Variants in F10 observed in about 807,000 individuals in gnomAD.
The protein encoded by F10 is coagulation factor X, also known as Stuart-Prower factor.
Under a neutral mutation model 37.1 loss-of-function variants are expected in F10, and 29 were observed. The observed-to-expected ratio is 0.78, with a 90% CI of 0.58 to 1.07. F10 has a LOEUF of 1.07. Among genes scored for constraint, F10 ranks in the 50% least tolerant of loss-of-function variants. F10 has a pLI of 0.00. For missense variants in F10, 539 were observed against 667.9 expected (o/e 0.81, Z 2.13); for synonymous variants, 262 against 268.6 (o/e 0.98, Z 0.24).
intron 2 of F10, chr13:113,131,087 A>G (rs1239621813): frequency 6.6e-6 from 1 of 152,202 alleles, no homozygotes; most frequent in Non-Finnish European, 1.5e-5. Context: ...CACCACATAT[A>G]TGACAAGGTT....
intron 2 of F10, among the ~76,000 whole-genome samples, chr13:113,132,682 G>A (rs1390865374): frequency 6.6e-6 from 1 of 152,210 alleles, no homozygotes; most frequent in Admixed American, 6.5e-5. Flanking sequence ...ACTACAATTA[G>A]ATGTATGATA....
chr13:113,145,278 A>G (rs9604029), intron 6 of F10, among the ~76,000 whole-genome samples: 4,732 of 152,288 alleles, frequency 0.031, 235 homozygotes, highest in African/African-American at 0.11. Flanking sequence ...CACCCTCCTC[A>G]GCCACCCAAA....
intron 2 of F10, among the ~76,000 whole-genome samples, chr13:113,134,331 G>A (rs1435857547): frequency 2.0e-5 from 3 of 152,142 alleles, no homozygotes; most frequent in Non-Finnish European, 4.4e-5. Flanking sequence ...CCCGAGACTG[G>A]GTAATTTATA....
In F10 at chr13:113,144,051, A is replaced by C; in HGVS notation, c.703A>C (p.Ile235Leu). The change falls in exon 6 of 8, where the codon ATC becomes CTC. Residue 235 changes from isoleucine (I) to leucine (L), a missense_variant. By Grantham distance (5) the Ile-to-Leu change is conservative. Around this residue, in one of 2 missense-constraint regions of F10, gnomAD observed 409 missense variants for 547.9 expected, o/e 0.75. Coordinates refer to ENST00000375559, the MANE Select transcript of F10 (RefSeq NM_000504.4). This position sits in a 1 kb window ranked among gnomAD's most constrained non-coding sequence, Gnocchi z 6.4. ...GAGGGGCGACAACAACCTCACCAGG[A>C]TCGTGGGAGGCCAGGAATGCAAGGA... ...PERGDNNLTR[I>L]VGGQECKDGE... The C allele has an allele frequency of 6.2e-7, 1 of 1,613,892 alleles. No homozygotes were observed.
chr13:113,142,664 G>A lies in F10; in HGVS notation c.503-1187G>A, dbSNP rs748460147. Among the ~76,000 whole-genome samples, 16 of 148,110 alleles carry A rather than the reference G, an allele frequency of 1.1e-4. 2 individuals carry two copies. The highest frequency in any genetic ancestry group is 2.1e-4 in the Non-Finnish European group (14 of 66,062). ...GTTCAGGCTGGGCAAGGTGGCTCAC[G>A]CCTGTAATCCCAGCACTTTGGGAAG... On this transcript the variant is annotated intron_variant, in intron 5 of 7. Transcript: ENST00000375559.
At position 113,146,831 on chromosome 13, in the gene F10, CCT is replaced by C. The variant is rs1251466427; in HGVS notation, c.748-547_748-546del. Among the ~76,000 whole-genome samples, 2 of 152,156 alleles carry C rather than the reference CCT, an allele frequency of 1.3e-5. No individual in the cohort carries two copies. Among genetic ancestry groups the C allele is most frequent in the East Asian group, 3.9e-4 (2 of 5,188 alleles). ...CTCCCTAGGGACAGCATGTGGCACCCCTGTCAGTGCTTGCTCCCCTGGGACCG... is the reference window on the plus strand; with the variant it reads ...CTCCCTAGGGACAGCATGTGGCACCCGTCAGTGCTTGCTCCCCTGGGACCG... On this transcript the variant is annotated intron_variant, in intron 6 of 7. Transcript: ENST00000375559. The surrounding 1 kb of genome is among the most constrained non-coding windows in gnomAD (Gnocchi z 4.5).
In F10 at chr13:113,141,343, T is replaced by C. The variant is rs2036526116; in HGVS notation, c.502+293T>C. ...ATTGCCTGACTGCTTGGGTGATCCC[T>C]GGAGCACTTTGCATGATGCCTGGCC... On this transcript the variant is annotated intron_variant, in intron 5 of 7. Coordinates refer to ENST00000375559, the MANE Select transcript of F10 (RefSeq NM_000504.4). The surrounding 1 kb of genome is among the most constrained non-coding windows in gnomAD (Gnocchi z 5.4). Among the ~76,000 whole-genome samples, 1 of 152,220 alleles carries C rather than the reference T, an allele frequency of 6.6e-6. No homozygotes were observed. The highest frequency in any genetic ancestry group is 2.1e-4 in the South Asian group (1 of 4,836).
At chr13:113,135,580 C>T (rs1250829668) in intron 2 of F10, among the ~76,000 whole-genome samples, 1 of 152,182 alleles carries the variant, frequency 6.6e-6, no homozygotes, top group African/African-American at 2.4e-5. Context: ...CCTTCATGGC[C>T]TAATCACCTC....
intron 2 of F10, among the ~76,000 whole-genome samples, 186 bp from the exon 3 acceptor site, chr13:113,138,271 A>AC (rs1566918615): frequency 6.6e-6 from 1 of 152,244 alleles, no homozygotes; most frequent in Non-Finnish European, 1.5e-5. Context: ...CCACATCTTC[A>AC]CAGATGCAGA....
Position 113,126,048 on chromosome 13 carries a change from G to A in F10, c.70+3123G>A, listed in dbSNP as rs1424327386. The stretch of plus-strand genomic sequence containing the variant: ...AGACAGGGAGGTGACTGGTGCAAAA[G>A]TCCTGGGGTGTGAGTGTTGGGCTCA... On this transcript the variant is annotated intron_variant, in intron 1 of 7. Transcript: ENST00000375559. Among the ~76,000 whole-genome samples, 3 of 152,180 alleles carry A rather than the reference G, an allele frequency of 2.0e-5. No homozygotes were observed. In the East Asian group the frequency reaches 5.8e-4, roughly 29 times the overall value.
chr13:113,137,064 C>T (rs920248367), intron 2 of F10, among the ~76,000 whole-genome samples: 9 of 152,172 alleles, frequency 5.9e-5, no homozygotes, highest in East Asian at 1.9e-4. Flanking sequence ...GGATTATAGG[C>T]GTGAGGCACC....
Position 113,149,304 on chromosome 13 carries a change from C to T in F10, c.1254C>T (p.Asp418=). ...AGCAGGAGGATGCCTGCCAGGGGGACAGCGGGGGCCCGCACGTCACCCGCT... is the reference window on the plus strand; with the variant it reads ...AGCAGGAGGATGCCTGCCAGGGGGATAGCGGGGGCCCGCACGTCACCCGCT... The part of the protein sequence containing the change: ...DTKQEDACQG[D]SGGPHVTRFK... The change falls in exon 8 of 8, where the codon GAC becomes GAT. Residue 418 remains aspartate (D), a synonymous_variant. Transcript: ENST00000375559. This position sits in a 1 kb window ranked among gnomAD's most constrained non-coding sequence, Gnocchi z 7.5. The T allele has an allele frequency of 6.2e-7, 1 of 1,613,232 alleles. No homozygotes were observed. The highest frequency in any genetic ancestry group is 8.5e-7 in the Non-Finnish European group (1 of 1,180,026).
intron 1 of F10, 60 bp downstream of exon 1, chr13:113,122,985 G>A (rs1595084820): frequency 6.4e-7 from 1 of 1,571,244 alleles, no homozygotes; most frequent in East Asian, 2.3e-5. Context: ...AGGGGCGGCA[G>A]TTGGGGAAAC....
At position 113,144,332 on chromosome 13, in the gene F10, GC is replaced by G; in HGVS notation, c.747+243del. On this transcript the variant is annotated intron_variant, in intron 6 of 7. Coordinates refer to ENST00000375559, the MANE Select transcript of F10 (RefSeq NM_000504.4). The surrounding 1 kb of genome is among the most constrained non-coding windows in gnomAD (Gnocchi z 6.4). ...GAGGGAGAGGCTGGGCCCAGGCAAC[GC>G]CCCCCTCAGCCCCTTCCCACTGGGC... is the stretch of plus-strand genomic sequence containing the variant. The G allele has an allele frequency of 1.7e-6, 1 of 597,450 alleles. No individual in the cohort carries two copies. The highest frequency in any genetic ancestry group is 3.0e-6 in the Non-Finnish European group (1 of 338,688). The allele number at this position is 597,450 out of a possible 1,614,324, so 37.0% of individuals were successfully genotyped here.
At chr13:113,127,657 T>A (rs1249231927) in intron 1 of F10, among the ~76,000 whole-genome samples, 2 of 152,268 alleles carry the variant, frequency 1.3e-5, no homozygotes, top group African/African-American at 2.4e-5. Flanking sequence ...TATTTTTTTT[T>A]AAAAGAGTAG....
At position 113,143,418 on chromosome 13, in the gene F10, T is replaced by C. The variant is rs1443320103; in HGVS notation, c.503-433T>C. ...AAAAGTTTTCCAACACACAGCACAC[T>C]GGAAAGAATTTTGCAGGGAGTCGCA... On this transcript the variant is annotated intron_variant, in intron 5 of 7. Transcript: ENST00000375559. This position sits in a 1 kb window ranked among gnomAD's most constrained non-coding sequence, Gnocchi z 6.8. 1.3e-5 allele frequency among the ~76,000 whole-genome samples: 2 copies of C among 152,110 alleles called. No individual in the cohort carries two copies. Among genetic ancestry groups the C allele is most frequent in the Non-Finnish European group, 2.9e-5 (2 of 68,020 alleles).
intron 7 of F10, among the ~76,000 whole-genome samples, chr13:113,147,856 C>G (rs573790276): frequency 6.6e-6 from 1 of 152,270 alleles, no homozygotes; most frequent in South Asian, 2.1e-4. Flanking sequence ...TTAACATACT[C>G]TGAACACCAA....
rs201397933 is a variant in F10 at position 113,129,739 on chromosome 13, GGGCGGGGCCCAGCAAATCGAGGCCTC to G, written c.231+133_231+158del. 5,010 of 1,285,240 alleles carry G rather than the reference GGGCGGGGCCCAGCAAATCGAGGCCTC, an allele frequency of 3.9e-3. 112 individuals carry two copies. The African/African-American group carries it at 0.055, about 14-fold the overall frequency. The allele number at this position is 1,285,240 out of a possible 1,614,324, so 79.6% of individuals were successfully genotyped here. On this transcript the variant is annotated intron_variant, in intron 2 of 7. Transcript: ENST00000375559. ...GGGCAGCGTGCGCGAAGGCTTTCAGGGGCGGGGCCCAGCAAATCGAGGCCTCGGCGGAGTCCTGCCCACAGGGACAT... is the reference window on the plus strand; with the variant it reads ...GGGCAGCGTGCGCGAAGGCTTTCAGGGGCGGAGTCCTGCCCACAGGGACAT...
Position 113,143,165 on chromosome 13 carries a change from CT to C in F10, c.503-685del, listed in dbSNP as rs2036548645. ...GAAGCCCCTTGCCATCCATTCCCCCCTCCTCTCCTCTCCTGCTCCCCCACAC... is the reference window on the plus strand; with the variant it reads ...GAAGCCCCTTGCCATCCATTCCCCCCCCTCTCCTCTCCTGCTCCCCCACAC... On this transcript the variant is annotated intron_variant, in intron 5 of 7. Transcript: ENST00000375559. The surrounding 1 kb of genome is among the most constrained non-coding windows in gnomAD (Gnocchi z 6.8). Among the ~76,000 whole-genome samples the C allele has an allele frequency of 6.6e-6, 1 of 151,134 alleles. No individual in the cohort carries two copies. The highest frequency in any genetic ancestry group is 1.5e-5 in the Non-Finnish European group (1 of 67,784).
Sources: gnomAD v4.1 joint callset for allele counts (sites outside exome capture counted in the v4.1 genomes callset) on GRCh38, gnomAD v4.1.1 for gene constraint, gnomAD v4.1.1 regional missense constraint, Gnocchi (gnomAD v3.1) non-coding constraint, MANE v1.5 for transcripts, NCBI Gene and HGNC (gene_info 2026-07-23, HGNC 2026-07-21) for gene names.